The following ZFAND3 variants were observed in gnomAD, a reference collection of about 807,000 sequenced individuals.
The protein encoded by ZFAND3 is AN1-type zinc finger protein 3.
In ZFAND3, 10 loss-of-function variants were observed where a neutral mutation model predicts 29.6. The ratio of observed to expected loss-of-function variants is 0.34; its 90% CI spans 0.21 to 0.57. The LOEUF (loss-of-function observed/expected upper bound fraction) is 0.57, where lower values mean the gene tolerates loss of function less well. ZFAND3 is among the 20% of genes least tolerant of loss of function. The pLI is 0.86. For synonymous variants in ZFAND3, 128 were observed against 112.6 expected, an observed-to-expected ratio of 1.14 and a Z score of -0.87; for missense variants, 230 against 304.5, an observed-to-expected ratio of 0.76 and a Z score of 1.82.
intron 2 of ZFAND3, among the ~76,000 whole-genome samples, chr6:38,041,704 TCCTCCTCCTCCTCCTCCTC>T (rs1763777236): frequency 0.013 from 6 of 446 alleles, 1 homozygote; most frequent in African/African-American, 0.02. Flanking sequence ...CTTCTCCTCC[TCCTCCTCCTCCTCCTCCTC>T]CTCCTCCTCC....
At chr6:37,997,114 T>C (rs1213123781) in intron 2 of ZFAND3, among the ~76,000 whole-genome samples, 1 of 152,244 alleles carries the variant, frequency 6.6e-6, no homozygotes, top group Non-Finnish European at 1.5e-5. Flanking sequence ...AAATGTGTTA[T>C]ATTCCTTGTA....
intron 1 of ZFAND3, among the ~76,000 whole-genome samples, chr6:37,839,715 A>G (rs551531656): frequency 8.7e-5 from 13 of 149,494 alleles, no homozygotes; most frequent in African/African-American, 3.2e-4. Context: ...GGGTGTCACC[A>G]TGCTGGCCAG....
chr6:37,882,100 G>C (rs1225624702), intron 1 of ZFAND3, among the ~76,000 whole-genome samples: 1 of 152,148 alleles, frequency 6.6e-6, no homozygotes, highest in East Asian at 1.9e-4. Flanking sequence ...TGACATTAGG[G>C]TCCTTTTCAG....
intron 2 of ZFAND3, chr6:38,003,889 G>A: frequency 2.5e-6 from 1 of 392,736 alleles, no homozygotes; most frequent in South Asian, 1.8e-5. Flanking sequence ...ATTACTGTGA[G>A]TTTGCTCTAA....
intron 1 of ZFAND3, among the ~76,000 whole-genome samples, chr6:37,874,046 A>T (rs945070515): frequency 3.9e-5 from 6 of 152,130 alleles, no homozygotes; most frequent in Non-Finnish European, 7.4e-5. Flanking sequence ...TTATTGTCTC[A>T]TGATTCTTTC....
chr6:37,820,171 G>T (rs1374136658), intron 1 of ZFAND3, among the ~76,000 whole-genome samples, 155 bp downstream of exon 1: 3 of 151,686 alleles, frequency 2.0e-5, no homozygotes, highest in African/African-American at 7.3e-5. Flanking sequence ...TTCCGGGGAG[G>T]GGTGCCGGGT....
chr6:38,038,709 C>A (rs997992189), intron 2 of ZFAND3, among the ~76,000 whole-genome samples: 1 of 152,042 alleles, frequency 6.6e-6, no homozygotes, highest in Non-Finnish European at 1.5e-5. Flanking sequence ...TCACCTCTAC[C>A]TTTTCATGGT....
chr6:38,043,945 A>G (rs570668349), intron 2 of ZFAND3, among the ~76,000 whole-genome samples: 1 of 152,240 alleles, frequency 6.6e-6, no homozygotes, highest in East Asian at 1.9e-4. Flanking sequence ...GCCTAGCCCA[A>G]GTAGATTATT....
rs1204023574 is a variant in ZFAND3, at chr6:37,833,524, T to TA, written c.71+13516dup. The stretch of plus-strand genomic sequence containing the variant: ...ATTTCAAGTGTGTACTTTGGTAGAT[T>TA]AAAAAAAATAGACTTCATGGCCGGG... On this transcript the variant is annotated intron_variant, in intron 1 of 5. Transcript: ENST00000287218. Among the ~76,000 whole-genome samples, 5 of 151,726 alleles carry TA rather than the reference T, an allele frequency of 3.3e-5. 1 individual carries two copies. The highest frequency in any genetic ancestry group is 3.9e-4 in the East Asian group (2 of 5,178).
chr6:37,889,261 C>T (rs1765052296), intron 1 of ZFAND3, among the ~76,000 whole-genome samples: 1 of 152,174 alleles, frequency 6.6e-6, no homozygotes, highest in South Asian at 2.1e-4. Flanking sequence ...GGGAATAAAA[C>T]TTTCCCCAGT....
At chr6:37,905,611 A>G (rs1765393502) in intron 1 of ZFAND3, among the ~76,000 whole-genome samples, 1 of 152,142 alleles carries the variant, frequency 6.6e-6, no homozygotes, top group Non-Finnish European at 1.5e-5. Context: ...ATTTTGCGGA[A>G]GGTGTTTTTT....
At chr6:38,113,930 A>G (rs1367525322) in intron 4 of ZFAND3, among the ~76,000 whole-genome samples, 1 of 152,242 alleles carries the variant, frequency 6.6e-6, no homozygotes, top group East Asian at 1.9e-4. Flanking sequence ...AAAGAGCTCT[A>G]AATGTGAACT....
chr6:38,083,122 A>G (rs180776300), intron 4 of ZFAND3, among the ~76,000 whole-genome samples: 1 of 152,260 alleles, frequency 6.6e-6, no homozygotes, highest in East Asian at 1.9e-4. Context: ...GGAAGAGTCA[A>G]AATAATTATA....
chr6:38,092,273 C>T (rs1764889071), intron 4 of ZFAND3, among the ~76,000 whole-genome samples: 1 of 152,210 alleles, frequency 6.6e-6, no homozygotes, highest in Admixed American at 6.5e-5. Flanking sequence ...CAGCACTTTA[C>T]TAAAAGACTG....
chr6:38,144,728 T>C (rs963918816), intron 5 of ZFAND3, among the ~76,000 whole-genome samples: 25 of 152,246 alleles, frequency 1.6e-4, no homozygotes, highest in African/African-American at 6.0e-4. Context: ...CAGCTGGAGC[T>C]GCAGCCCTCC....
intron 1 of ZFAND3, among the ~76,000 whole-genome samples, chr6:37,893,594 C>A (rs543105723): frequency 7.5e-4 from 114 of 152,256 alleles, no homozygotes; most frequent in African/African-American, 2.6e-3. Context: ...TGCTCTGTTG[C>A]CCAGGCTGGA....
chr6:38,110,575 C>T (rs530013892), intron 4 of ZFAND3, among the ~76,000 whole-genome samples: 4 of 152,032 alleles, frequency 2.6e-5, no homozygotes, highest in African/African-American at 9.6e-5. Flanking sequence ...TGTGAGGGTT[C>T]GTTAATTATT....
intron 2 of ZFAND3, among the ~76,000 whole-genome samples, chr6:37,960,037 T>C (rs2127424197): frequency 6.6e-6 from 1 of 152,320 alleles, no homozygotes; most frequent in African/African-American, 2.4e-5. Flanking sequence ...GGCATAAGCA[T>C]TGAAATAGCA....
chr6:38,097,188 A>G (rs1764998478), intron 4 of ZFAND3, among the ~76,000 whole-genome samples: 1 of 149,166 alleles, frequency 6.7e-6, no homozygotes, highest in South Asian at 2.1e-4. Context: ...CGATCCTCCT[A>G]CCTCAGCCTC....
Sources: allele counts gnomAD v4.1 joint callset (sites outside exome capture counted in the v4.1 genomes callset), GRCh38; gene constraint gnomAD v4.1.1; transcripts MANE v1.5; gene names NCBI Gene and HGNC (gene_info 2026-07-23, HGNC 2026-07-21).